GPR149: variants seen among roughly 807,000 people sequenced by gnomAD.
The protein encoded by GPR149 is probable G protein-coupled receptor 149.
In GPR149, 50 loss-of-function variants were observed where a neutral mutation model predicts 50.2. The ratio of observed to expected loss-of-function variants is 1.00; its 90% CI spans 0.79 to 1.26. The LOEUF is 1.26. Among genes scored for constraint, GPR149 ranks in the 50% most tolerant of loss-of-function variants. The pLI is 0.00. For synonymous variants in GPR149, 405 were observed against 358.2 expected (o/e 1.13, Z -1.48); for missense variants, 983 against 895.4 (o/e 1.10, Z -1.25).
intron 2 of GPR149, among the ~76,000 whole-genome samples, chr3:154,422,403 A>AT (rs1435059550): frequency 2.0e-5 from 3 of 151,830 alleles, no homozygotes; most frequent in Admixed American, 2.0e-4. Context: ...ACAAGATATA[A>AT]TTTAATGTTT....
intron 2 of GPR149, among the ~76,000 whole-genome samples, chr3:154,422,382 C>G (rs977345890): frequency 6.6e-6 from 1 of 151,546 alleles, no homozygotes; most frequent in African/African-American, 2.4e-5. Context: ...GAAGTTATAT[C>G]AAGGTGGTAG....
chr3:154,341,061 C>T (rs1383967142), intron 3 of GPR149, among the ~76,000 whole-genome samples: 3 of 151,756 alleles, frequency 2.0e-5, no homozygotes, highest in Admixed American at 6.6e-5. Flanking sequence ...AGTGATAAAC[C>T]ACAAGTTAAA....
intron 2 of GPR149, among the ~76,000 whole-genome samples, chr3:154,427,308 A>G (rs1437415730): frequency 6.6e-6 from 1 of 151,746 alleles, no homozygotes; most frequent in Non-Finnish European, 1.5e-5. Flanking sequence ...CAGGCACTTC[A>G]TGGGGTTTTT....
At chr3:154,343,091 C>G (rs6766299) in intron 3 of GPR149, among the ~76,000 whole-genome samples, 35,611 of 152,036 alleles carry the variant, frequency 0.23, 4,551 homozygotes, top group South Asian at 0.33. Context: ...AAATAATTTC[C>G]ATATATTGTA....
At chr3:154,343,807 T>C (rs919968590) in intron 3 of GPR149, among the ~76,000 whole-genome samples, 4 of 151,934 alleles carry the variant, frequency 2.6e-5, no homozygotes, top group East Asian at 1.9e-4. Context: ...AGGGACCCTG[T>C]CTCTAAAAAA....
rs1342563823 is a variant in GPR149 at position 154,374,171 on chromosome 3, T to TTC, written c.1624-35901_1624-35900insGA. On this transcript the variant is annotated intron_variant, in intron 3 of 3. Transcript: ENST00000389740. ...CTTTCTTTCTTTTCTTTTCTTTTCT[T>TTC]TTTTTTTTTTTTTTGAGACAGAGTC... Among the ~76,000 whole-genome samples the TTC allele has an allele frequency of 2.1e-3, 292 of 141,808 alleles. 4 individuals carry two copies. Among genetic ancestry groups the TTC allele is most frequent in the African/African-American group, 7.1e-3 (274 of 38,692 alleles). 93.0% of individuals were successfully genotyped at this position (141,808 alleles called of 152,430 possible).
At chr3:154,356,034 G>A (rs760804287) in intron 3 of GPR149, among the ~76,000 whole-genome samples, 16 of 152,200 alleles carry the variant, frequency 1.1e-4, no homozygotes, top group Non-Finnish European at 1.9e-4. Context: ...AGAGTAGGCA[G>A]TGTCCTAGGG....
At chr3:154,372,987 C>T (rs533796756) in intron 3 of GPR149, among the ~76,000 whole-genome samples, 2 of 152,032 alleles carry the variant, frequency 1.3e-5, no homozygotes, top group Non-Finnish European at 2.9e-5. Context: ...TTTAGAAATT[C>T]AGTAGCAGGA....
Position 154,429,093 on chromosome 3 carries a change from A to C in GPR149, c.523T>G (p.Phe175Val), listed in dbSNP as rs779771096. Residue 175 changes from phenylalanine (F) to valine (V), a missense_variant, in exon 1 of 4, where the codon TTC becomes GTC. By Grantham distance (50) the Phe-to-Val change is conservative (BLOSUM62 -1). Transcript: ENST00000389740. ...SALPLCGWGA[F>V]VRTPWGCLVD... ...AGGCAGCCCCAGGGCGTGCGCACGA[A>C]GGCGCCCCAGCCGCACAGCGGGAGC... The C allele has an allele frequency of 1.5e-5, 25 of 1,613,528 alleles. No homozygotes were observed. The highest frequency in any genetic ancestry group is 2.1e-5 in the Non-Finnish European group (25 of 1,179,928).
intron 3 of GPR149, among the ~76,000 whole-genome samples, chr3:154,364,498 C>A (rs750220792): frequency 6.6e-6 from 1 of 152,118 alleles, no homozygotes; most frequent in Non-Finnish European, 1.5e-5. Context: ...TCATCTCAGG[C>A]AAATTACTCT....
chr3:154,403,356 A>G lies in GPR149; in HGVS notation c.1623+17683T>C, dbSNP rs75671097. ...CCAAACAACAGATGACAAATGTACAATATGGGATGCTTTATGCTAGGCAGT... is the reference window on the plus strand; with the variant it reads ...CCAAACAACAGATGACAAATGTACAGTATGGGATGCTTTATGCTAGGCAGT... On this transcript the variant is annotated intron_variant, in intron 3 of 3. Transcript: ENST00000389740. Among the ~76,000 whole-genome samples, 273 of 152,298 alleles carry G rather than the reference A, an allele frequency of 1.8e-3. 3 individuals are homozygous for G. In the East Asian group the frequency reaches 0.021, roughly 12 times the overall value.
intron 3 of GPR149, among the ~76,000 whole-genome samples, chr3:154,370,610 A>C (rs9857834): frequency 0.24 from 36,220 of 152,086 alleles, 4,661 homozygotes; most frequent in South Asian, 0.32. Flanking sequence ...ATGATTCAGC[A>C]ACAGGACTGA....
intron 3 of GPR149, among the ~76,000 whole-genome samples, chr3:154,408,481 G>C (rs1375257616): frequency 1.3e-5 from 2 of 152,178 alleles, no homozygotes; most frequent in East Asian, 3.8e-4. Context: ...GCTGTTAGTG[G>C]GGCACAGTGG....
At chr3:154,377,411 G>T (rs1383691983) in intron 3 of GPR149, among the ~76,000 whole-genome samples, 3 of 149,954 alleles carry the variant, frequency 2.0e-5, no homozygotes, top group African/African-American at 7.4e-5. Context: ...CTGTCACCCA[G>T]GCTGGAGTGC....
rs1208210520 is a variant in GPR149 at position 154,401,136 on chromosome 3, T to C, written c.1623+19903A>G. On this transcript the variant is annotated intron_variant, in intron 3 of 3. Coordinates refer to ENST00000389740, the MANE Select transcript of GPR149 (RefSeq NM_001038705.3). ...TGAGCTATTTTCTGAAAATTTTCTC[T>C]TTTAATTCCTATAACTGCTTAAAAT... Among the ~76,000 whole-genome samples, 3 of 152,230 alleles carry C rather than the reference T, an allele frequency of 2.0e-5. No homozygotes were observed. The East Asian group carries it at 5.8e-4, about 29-fold the overall frequency.
chr3:154,347,236 G>A (rs1713951404), intron 3 of GPR149, among the ~76,000 whole-genome samples: 3 of 152,138 alleles, frequency 2.0e-5, no homozygotes, highest in Non-Finnish European at 1.5e-5. Flanking sequence ...AGACACACAC[G>A]AGGCTAGGTA....
chr3:154,365,125 C>T (rs1160744602), intron 3 of GPR149, among the ~76,000 whole-genome samples: 2 of 152,198 alleles, frequency 1.3e-5, no homozygotes, highest in Admixed American at 1.3e-4. Context: ...AGCAATACCT[C>T]CACAGCTTGT....
At chr3:154,338,349 C>T in intron 3 of GPR149, 78 bp from the exon 4 acceptor site, 1 of 1,175,658 alleles carries the variant, frequency 8.5e-7, no homozygotes, top group Non-Finnish European at 1.2e-6. Flanking sequence ...TTTTGTTCAT[C>T]AGAATGATAA....
chr3:154,351,256 A>G (rs1292223012), intron 3 of GPR149, among the ~76,000 whole-genome samples: 1 of 144,646 alleles, frequency 6.9e-6, no homozygotes. Context: ...AAACAATTCA[A>G]TGGAGGAAAG....
Sources: gnomAD v4.1 joint callset for allele counts (sites outside exome capture counted in the v4.1 genomes callset) on GRCh38, gnomAD v4.1.1 for gene constraint, MANE v1.5 for transcripts, NCBI Gene and HGNC (gene_info 2026-07-23, HGNC 2026-07-21) for gene names.